Variants in SMARCAD1 observed in about 807,000 individuals in gnomAD.
SMARCAD1 encodes SWI/SNF-related matrix-associated actin-dependent regulator of chromatin subfamily A containing DEAD/H box 1.
In SMARCAD1, 25 loss-of-function variants were observed where a neutral mutation model predicts 127.1. The ratio of observed to expected loss-of-function variants is 0.20; its 90% CI spans 0.14 to 0.27. The LOEUF (loss-of-function observed/expected upper bound fraction) is 0.27, where lower values mean the gene tolerates loss of function less well. Ranked by LOEUF, SMARCAD1 falls within the 10% of genes least tolerant of loss-of-function variation. The pLI, the probability that SMARCAD1 is intolerant of heterozygous loss-of-function variation, is 1.00. For synonymous variants in SMARCAD1, 400 were observed against 396.9 expected (o/e 1.01, Z -0.09); for missense variants, 807 against 1,206.0 (o/e 0.67, Z 4.90).
intron 7 of SMARCAD1, among the ~76,000 whole-genome samples, chr4:94,250,517 G>C (rs1431416020): frequency 6.6e-6 from 1 of 152,064 alleles, no homozygotes; most frequent in Non-Finnish European, 1.5e-5. Flanking sequence ...ACTTCATAGT[G>C]AGCATTAGAA....
At chr4:94,218,664 C>G (rs1374222845) in intron 2 of SMARCAD1, among the ~76,000 whole-genome samples, 1 of 152,062 alleles carries the variant, frequency 6.6e-6, no homozygotes, top group Non-Finnish European at 1.5e-5. Context: ...GTATTAGAAA[C>G]TACTCTTTAA....
rs1754749356 is a variant in SMARCAD1 at position 94,285,142 on chromosome 4, A to G, written c.3019+73A>G. On this transcript the variant is annotated intron_variant, in intron 23 of 23. Coordinates refer to ENST00000354268, the MANE Select transcript of SMARCAD1 (RefSeq NM_020159.5). ...GCATCTAATTAGTCAGTGCAAGAGG[A>G]TGACAAAGATGGCTACCTTAACTAG... 12 of 966,288 alleles carry G rather than the reference A, an allele frequency of 1.2e-5. No individual in the cohort carries two copies. The East Asian group carries it at 2.9e-4, about 23-fold the overall frequency. 59.9% of individuals were successfully genotyped at this position (966,288 alleles called of 1,614,324 possible). A position where few individuals can be genotyped will look rare whatever the true frequency, so the allele number is the denominator to read the frequency against.
chr4:94,273,732 G>A lies in SMARCAD1; in HGVS notation c.1672+16G>A. ...TCAACTATAGGTTTGTAATACTGGA[G>A]ACAACTGTATTTAACTTTATCATGT... On this transcript the variant is annotated intron_variant, in intron 12 of 23. Transcript: ENST00000354268. 6.3e-7 allele frequency: 1 copy of A among 1,580,620 alleles called. No homozygotes were observed. The highest frequency in any genetic ancestry group is 8.7e-7 in the Non-Finnish European group (1 of 1,150,032).
intron 22 of SMARCAD1, among the ~76,000 whole-genome samples, chr4:94,283,750 G>A (rs1326299377): frequency 2.0e-5 from 3 of 150,940 alleles, no homozygotes; most frequent in Non-Finnish European, 4.4e-5. Flanking sequence ...GCGTGAACCT[G>A]GGAGGCAGAG....
At chr4:94,244,352 T>C (rs532377419) in intron 6 of SMARCAD1, among the ~76,000 whole-genome samples, 1 of 152,336 alleles carries the variant, frequency 6.6e-6, no homozygotes, top group East Asian at 1.9e-4. Flanking sequence ...GACATAACTA[T>C]TAGTGTAGAT....
chr4:94,288,700 C>T (rs1044042739), intron 23 of SMARCAD1, among the ~76,000 whole-genome samples: 7 of 152,132 alleles, frequency 4.6e-5, no homozygotes, highest in African/African-American at 1.7e-4. Context: ...ATTTCAGCCA[C>T]ATCTAATTTA....
In SMARCAD1 at chr4:94,290,751, A is replaced by G; in HGVS notation, c.*1217A>G. ...TATTATACATCAGTTTCTTTGTATA[A>G]CTTGTGAGTTCCATGTGTTTTGTTT... On this transcript the variant is annotated 3_prime_UTR_variant, in exon 24 of 24. Coordinates refer to ENST00000354268, the MANE Select transcript of SMARCAD1 (RefSeq NM_020159.5). 2.3e-6 allele frequency: 1 copy of G among 427,988 alleles called. No homozygotes were observed. The highest frequency in any genetic ancestry group is 4.6e-6 in the Non-Finnish European group (1 of 217,422). The allele number at this position is 427,988 out of a possible 1,614,324, so 26.5% of individuals were successfully genotyped here.
Position 94,290,925 on chromosome 4 carries a change from GTGAT to G in SMARCAD1, c.*1393_*1396del, listed in dbSNP as rs555897154. The G allele has an allele frequency of 5.1e-5, 23 of 453,862 alleles. No individual in the cohort carries two copies. The highest frequency in any genetic ancestry group is 4.4e-4 in the African/African-American group (22 of 50,092). The allele number at this position is 453,862 out of a possible 1,614,324, so 28.1% of individuals were successfully genotyped here. A position where few individuals can be genotyped will look rare whatever the true frequency, so the allele number is the denominator to read the frequency against. ...TTGGAAGGCAAATAAAACTCTTACA[GTGAT>G]TATTTAGATATTAAAGACTGAGAAC... is the stretch of plus-strand genomic sequence containing the variant. On this transcript the variant is annotated 3_prime_UTR_variant, in exon 24 of 24. Transcript: ENST00000354268.
At chr4:94,284,609 G>A (rs527310849) in intron 22 of SMARCAD1, among the ~76,000 whole-genome samples, 31 of 148,822 alleles carry the variant, frequency 2.1e-4, no homozygotes, top group Non-Finnish European at 3.7e-4. Flanking sequence ...TTTTTAAGTG[G>A]AGACAGGGTT....
At chr4:94,239,307 A>G (rs1169603353) in intron 5 of SMARCAD1, among the ~76,000 whole-genome samples, 4 of 152,194 alleles carry the variant, frequency 2.6e-5, no homozygotes, top group African/African-American at 9.6e-5. Flanking sequence ...AATACCTGTA[A>G]GTGATCTTTA....
intron 23 of SMARCAD1, among the ~76,000 whole-genome samples, chr4:94,286,279 T>C (rs191649755): frequency 6.6e-6 from 1 of 152,314 alleles, no homozygotes; most frequent in Non-Finnish European, 1.5e-5. Context: ...TCTTCTCTTC[T>C]ATGACAAGTC....
intron 3 of SMARCAD1, among the ~76,000 whole-genome samples, chr4:94,232,187 T>C (rs537447071): frequency 1.3e-5 from 2 of 150,388 alleles, no homozygotes; most frequent in Non-Finnish European, 2.9e-5. Context: ...TTCATGACAT[T>C]ATTTATTTTC....
chr4:94,258,002 G>T (rs1168226132), intron 9 of SMARCAD1, among the ~76,000 whole-genome samples: 1 of 151,906 alleles, frequency 6.6e-6, no homozygotes, highest in South Asian at 2.1e-4. Context: ...TTTCATAGAT[G>T]AACCATGTAG....
intron 10 of SMARCAD1, among the ~76,000 whole-genome samples, chr4:94,266,929 C>G (rs1229304442): frequency 6.6e-6 from 1 of 152,050 alleles, no homozygotes; most frequent in Non-Finnish European, 1.5e-5. Flanking sequence ...CTTTCATAAT[C>G]TTTATTTTAA....
Position 94,278,982 on chromosome 4 carries a change from C to T in SMARCAD1, c.2350C>T (p.His784Tyr). 1 of 1,614,036 alleles carries T rather than the reference C, an allele frequency of 6.2e-7. No homozygotes were observed. Among genetic ancestry groups the T allele is most frequent in the Non-Finnish European group, 8.5e-7 (1 of 1,179,992 alleles). Reference protein sequence around the residue: ...VMMQLRKMANHPLLHRQYYTA... With the variant: ...VMMQLRKMANYPLLHRQYYTA... ...GATGCAGTTGAGGAAAATGGCCAAT[C>T]ATCCTTTATTACATCGCCAATATTA... The change falls in exon 19 of 24, where the codon CAT becomes TAT. Residue 784 changes from histidine to tyrosine, a missense_variant. His to Tyr is a moderately conservative substitution (Grantham distance 83). This residue lies in a region of SMARCAD1 where 99 missense variants were observed against 126.0 expected (regional missense o/e 0.79). Transcript: ENST00000354268.
intron 8 of SMARCAD1, among the ~76,000 whole-genome samples, chr4:94,251,298 A>G (rs1264244142): frequency 6.6e-6 from 1 of 152,184 alleles, no homozygotes; most frequent in African/African-American, 2.4e-5. Context: ...CTAGGAACCA[A>G]ATGATAGAGG....
At chr4:94,213,574 G>C (rs1742641851) in intron 2 of SMARCAD1, among the ~76,000 whole-genome samples, 1 of 150,800 alleles carries the variant, frequency 6.6e-6, no homozygotes, top group Non-Finnish European at 1.5e-5. Flanking sequence ...AATGCTATTA[G>C]TGAAGCTGTT....
chr4:94,290,320 GA>G lies in SMARCAD1; in HGVS notation c.*789del. The G allele has an allele frequency of 2.2e-6, 1 of 454,408 alleles. No individual in the cohort carries two copies. Among genetic ancestry groups the G allele is most frequent in the South Asian group, 1.6e-5 (1 of 64,470 alleles). The allele number at this position is 454,408 out of a possible 1,614,324, so 28.1% of individuals were successfully genotyped here. ...CCCTCTCCCGGCTTTTGCTTCTCTT[GA>G]AACTGTTGCCCAGTCACTTCTGCTC... is the stretch of plus-strand genomic sequence containing the variant. On this transcript the variant is annotated 3_prime_UTR_variant, in exon 24 of 24. Transcript: ENST00000354268.
At chr4:94,207,704 C>A (rs1741408139), upstream of SMARCAD1, 1 of 155,300 alleles carries the variant, frequency 6.4e-6, no homozygotes, top group Non-Finnish European at 1.4e-5. Flanking sequence ...TTATTTTCAA[C>A]CTTTGTTACA....
Sources: allele counts gnomAD v4.1 joint callset (sites outside exome capture counted in the v4.1 genomes callset), GRCh38; gene constraint gnomAD v4.1.1; regional missense constraint gnomAD v4.1.1; transcripts MANE v1.5; gene names NCBI Gene and HGNC (gene_info 2026-07-23, HGNC 2026-07-21).